Variants in SCGB2B2 observed in about 807,000 individuals in gnomAD.
The protein encoded by SCGB2B2 is secretoglobin-like protein.
SCGB2B2 carries 11 observed loss-of-function variants against 7.6 expected under a neutral mutation model. The ratio of observed to expected loss-of-function variants is 1.45; its 90% CI spans 0.91 to 2.40. SCGB2B2 has a LOEUF of 2.40. Among genes scored for constraint, SCGB2B2 ranks in the 30% most tolerant of loss-of-function variants. The pLI, the probability that SCGB2B2 is intolerant of heterozygous loss-of-function variation, is 0.00. For missense variants in SCGB2B2, 104 were observed against 115.4 expected (o/e 0.90, Z 0.45); for synonymous variants, 50 against 48.6 (o/e 1.03, Z -0.12).
rs1366951614 is a variant in SCGB2B2 at position 34,616,937 on chromosome 19, C to T, written c.-2031-20343G>A. Among the ~76,000 whole-genome samples the T allele has an allele frequency of 7.2e-5, 11 of 152,244 alleles. 1 individual carries two copies. In the South Asian group the frequency reaches 1.7e-3, roughly 23 times the overall value. On this transcript the variant is annotated intron_variant, in intron 1 of 3. Coordinates refer to ENST00000601241, the MANE Select transcript of SCGB2B2 (RefSeq NM_001025591.4). ...AGTTTTCCCAGCACCATTTATTAAA[C>T]AGGGAATCCTTTCCCCATTGCTTGT...
intron 1 of SCGB2B2, among the ~76,000 whole-genome samples, chr19:34,617,042 T>TATATC (rs2066103524): frequency 6.6e-6 from 1 of 152,222 alleles, no homozygotes; most frequent in Non-Finnish European, 1.5e-5. Flanking sequence ...TCCATTGATC[T>TATATC]ATATCTCTGT....
rs570657980 is a variant in SCGB2B2 at position 34,595,134 on chromosome 19, G to C, written c.-571C>G. The C allele has an allele frequency of 1.3e-5, 2 of 154,996 alleles. No homozygotes were observed. The highest frequency in any genetic ancestry group is 4.9e-5 in the African/African-American group (2 of 41,228). 9.6% of individuals were successfully genotyped at this position (154,996 alleles called of 1,614,324 possible). A position where few individuals can be genotyped will look rare whatever the true frequency, so the allele number is the denominator to read the frequency against. ...ACATGAGATGTAGCAAGTGTGTTAGGGACACATGTGACACAGTGAAGGGAT... is the reference window on the plus strand; with the variant it reads ...ACATGAGATGTAGCAAGTGTGTTAGCGACACATGTGACACAGTGAAGGGAT... On this transcript the variant is annotated 5_prime_UTR_variant, in exon 2 of 4. Coordinates refer to ENST00000601241, the MANE Select transcript of SCGB2B2 (RefSeq NM_001025591.4).
intron 1 of SCGB2B2, among the ~76,000 whole-genome samples, chr19:34,651,331 C>T (rs2067156823): frequency 6.6e-6 from 1 of 151,102 alleles, no homozygotes; most frequent in Admixed American, 6.6e-5. Flanking sequence ...AGGACACGAT[C>T]TTATGTACAG....
At chr19:34,669,459 G>A (rs905392624) in intron 1 of SCGB2B2, among the ~76,000 whole-genome samples, 24 of 152,200 alleles carry the variant, frequency 1.6e-4, no homozygotes, top group African/African-American at 5.8e-4. Flanking sequence ...GGCGTGCCAA[G>A]TGCAGACACA....
chr19:34,669,347 A>G (rs944505948), intron 1 of SCGB2B2, among the ~76,000 whole-genome samples: 2 of 152,190 alleles, frequency 1.3e-5, no homozygotes, highest in African/African-American at 4.8e-5. Flanking sequence ...ACAATTTACT[A>G]ATTTTCACGA....
intron 1 of SCGB2B2, among the ~76,000 whole-genome samples, chr19:34,656,101 G>A (rs1166460400): frequency 6.6e-6 from 1 of 151,274 alleles, no homozygotes; most frequent in African/African-American, 2.5e-5. Context: ...AATGTTCTAT[G>A]CAAGATATTG....
At chr19:34,586,656 G>A (rs566419459), downstream of SCGB2B2, among the ~76,000 whole-genome samples, 11 of 152,226 alleles carry the variant, frequency 7.2e-5, no homozygotes, top group South Asian at 8.3e-4. Context: ...TTTGATGTAC[G>A]TTTATTTCCA....
At chr19:34,666,468 CA>C (rs1423466056) in intron 1 of SCGB2B2, among the ~76,000 whole-genome samples, 1 of 152,176 alleles carries the variant, frequency 6.6e-6, no homozygotes, top group African/African-American at 2.4e-5. Flanking sequence ...TCCCAGTGCA[CA>C]TGGATGCCTG....
chr19:34,656,475 C>T (rs2067286421), intron 1 of SCGB2B2, among the ~76,000 whole-genome samples: 1 of 150,994 alleles, frequency 6.6e-6, no homozygotes, highest in South Asian at 2.1e-4. Flanking sequence ...TGGTGGCACC[C>T]ACCTAAAATC....
In SCGB2B2 at chr19:34,673,228, GCTCT is replaced by G. The variant is rs374230565; in HGVS notation, c.-2032+2398_-2032+2401del. Among the ~76,000 whole-genome samples the G allele has an allele frequency of 1.5e-3, 230 of 152,004 alleles. 1 individual carries two copies. The highest frequency in any genetic ancestry group is 5.2e-3 in the African/African-American group (217 of 41,446). On this transcript the variant is annotated intron_variant, in intron 1 of 3. Coordinates refer to ENST00000601241, the MANE Select transcript of SCGB2B2 (RefSeq NM_001025591.4). ...TAATGTGTTTTAGTTTCTCCTTATT[GCTCT>G]CTCTCTCTGCTTCATTTTCTTTCTC... is the stretch of plus-strand genomic sequence containing the variant.
chr19:34,588,631 C>T (rs972815770), downstream of SCGB2B2, among the ~76,000 whole-genome samples: 6 of 152,220 alleles, frequency 3.9e-5, no homozygotes, highest in Admixed American at 6.5e-5. Context: ...CCACAGGGGT[C>T]GGATGCTCCA....
In SCGB2B2 at chr19:34,663,469, C is replaced by T. The variant is rs16969617; in HGVS notation, c.-2032+12161G>A. Reference sequence around the variant, plus strand: ...TACAGGAGAACACACACGATGACTACGGCCATAAAAATTATAAAAAGCCAA... The same window carrying T: ...TACAGGAGAACACACACGATGACTATGGCCATAAAAATTATAAAAAGCCAA... On this transcript the variant is annotated intron_variant, in intron 1 of 3. Coordinates refer to ENST00000601241, the MANE Select transcript of SCGB2B2 (RefSeq NM_001025591.4). Among the ~76,000 whole-genome samples, 1,093 of 152,322 alleles carry T rather than the reference C, an allele frequency of 7.2e-3. 10 individuals are homozygous for T. The highest frequency in any genetic ancestry group is 0.025 in the African/African-American group (1,039 of 41,568).
chr19:34,624,583 C>A (rs2066318963), intron 1 of SCGB2B2, among the ~76,000 whole-genome samples: 1 of 151,816 alleles, frequency 6.6e-6, no homozygotes, highest in African/African-American at 2.4e-5. Context: ...ATGAGAGCTG[C>A]AAAAAAGAAA....
At chr19:34,649,569 C>A (rs2067110418) in intron 1 of SCGB2B2, among the ~76,000 whole-genome samples, 1 of 152,114 alleles carries the variant, frequency 6.6e-6, no homozygotes, top group South Asian at 2.1e-4. Context: ...AATAAACCGG[C>A]CAGGTGTGGT....
chr19:34,597,342 G>A (rs1226165033), intron 1 of SCGB2B2, among the ~76,000 whole-genome samples: 1 of 149,866 alleles, frequency 6.7e-6, no homozygotes, highest in African/African-American at 2.5e-5. Flanking sequence ...CACTTTCTAT[G>A]CCAGGGCCAG....
chr19:34,613,594 G>C (rs2065993057), intron 1 of SCGB2B2, among the ~76,000 whole-genome samples: 1 of 150,448 alleles, frequency 6.6e-6, no homozygotes, highest in Non-Finnish European at 1.5e-5. Flanking sequence ...TGTTTTCTGA[G>C]TGTTGTGTAT....
chr19:34,617,413 T>C (rs955696570), intron 1 of SCGB2B2, among the ~76,000 whole-genome samples: 2 of 151,532 alleles, frequency 1.3e-5, no homozygotes, highest in African/African-American at 4.9e-5. Context: ...CCCTTGTAAG[T>C]TGGATTCCTA....
At chr19:34,625,347 G>C (rs536567005) in intron 1 of SCGB2B2, among the ~76,000 whole-genome samples, 1 of 152,290 alleles carries the variant, frequency 6.6e-6, no homozygotes, top group South Asian at 2.1e-4. Context: ...AAGCACAAGG[G>C]GTCAGGGAAT....
At chr19:34,603,098 A>G (rs1359185698) in intron 1 of SCGB2B2, among the ~76,000 whole-genome samples, 1 of 152,242 alleles carries the variant, frequency 6.6e-6, no homozygotes, top group East Asian at 1.9e-4. Flanking sequence ...CACCAGCAAC[A>G]GTTGCAGATT....
Sources: gnomAD v4.1 joint callset for allele counts (sites outside exome capture counted in the v4.1 genomes callset) on GRCh38, gnomAD v4.1.1 for gene constraint, MANE v1.5 for transcripts, NCBI Gene and HGNC (gene_info 2026-07-23, HGNC 2026-07-21) for gene names.